VSX2: variants seen among roughly 807,000 people sequenced by gnomAD.
The protein encoded by VSX2 is ceh-10 homeo domain containing homolog.
In VSX2, 28 loss-of-function variants were observed where a neutral mutation model predicts 32.1. The ratio of observed to expected loss-of-function variants is 0.87; its 90% CI spans 0.65 to 1.20. The LOEUF is 1.20. VSX2 is among the 50% of genes most tolerant of loss of function. The pLI is 0.00. For missense variants in VSX2, 506 were observed against 488.7 expected, an observed-to-expected ratio of 1.04 and a Z score of -0.33; for synonymous variants, 243 against 214.1, an observed-to-expected ratio of 1.14 and a Z score of -1.18.
chr14:74,239,897 G>C lies in VSX2; in HGVS notation c.336G>C (p.Ser112=), dbSNP rs752313464. The change falls in exon 1 of 5, where the codon TCG becomes TCC. Residue 112 remains serine, a synonymous_variant. Transcript: ENST00000261980. ...ACTTGCAGCCATTGGGCAGAGCATC[G>C]GGGCCGCTGGACACCAGCCAGACGG... ...SVHLQPLGRA[S]GPLDTSQTAS... 1.9e-6 allele frequency: 3 copies of C among 1,571,498 alleles called. No homozygotes were observed. Among genetic ancestry groups the C allele is most frequent in the Non-Finnish European group, 1.7e-6 (2 of 1,159,380 alleles).
At chr14:74,245,373 CG>C in intron 3 of VSX2, 85 bp downstream of exon 3, 1 of 1,569,038 alleles carries the variant, frequency 6.4e-7, no homozygotes. Context: ...CCCATGACCC[CG>C]CCTCCCAGCC....
chr14:74,239,594 G>A lies in VSX2; in HGVS notation c.33G>A (p.Lys11=). 1.3e-6 allele frequency: 2 copies of A among 1,551,412 alleles called. No individual in the cohort carries two copies. Among genetic ancestry groups the A allele is most frequent in the East Asian group, 2.4e-5 (1 of 40,912 alleles). MTGKAGEALS[K]PKSETVAKST... The stretch of plus-strand genomic sequence containing the variant: ...GGAAAGCAGGGGAAGCGCTGAGCAA[G>A]CCCAAATCCGAGACAGTGGCCAAGA... The change falls in exon 1 of 5, where the codon AAG becomes AAA. Residue 11 remains lysine, a synonymous_variant. Coordinates refer to ENST00000261980, the MANE Select transcript of VSX2 (RefSeq NM_182894.3).
At chr14:74,258,379 G>T (rs1020949751) in intron 3 of VSX2, among the ~76,000 whole-genome samples, 4 of 152,006 alleles carry the variant, frequency 2.6e-5, no homozygotes, top group African/African-American at 9.7e-5. Flanking sequence ...ATTAAAAGCT[G>T]ATACCTCTGC....
chr14:74,242,318 C>T (rs2079155552), intron 2 of VSX2, among the ~76,000 whole-genome samples: 1 of 152,146 alleles, frequency 6.6e-6, no homozygotes. Flanking sequence ...GGCACCCCCG[C>T]CGCCACATCG....
At chr14:74,245,013 A>G (rs1286210079) in intron 2 of VSX2, 152 bp from the exon 3 acceptor site, 1 of 733,210 alleles carries the variant, frequency 1.4e-6, no homozygotes, top group African/African-American at 1.9e-5. Context: ...AGAGACAGAG[A>G]GAGAGAGAGA....
intron 3 of VSX2, among the ~76,000 whole-genome samples, chr14:74,246,002 G>A (rs930565655): frequency 2.0e-5 from 3 of 152,234 alleles, no homozygotes; most frequent in East Asian, 1.9e-4. Context: ...TCCACTTAGC[G>A]GCAGCAGGAC....
intron 3 of VSX2, among the ~76,000 whole-genome samples, chr14:74,253,029 G>GA (rs2079239944): frequency 7.0e-6 from 1 of 142,638 alleles, no homozygotes. Context: ...AGCCTGGGTG[G>GA]CAGAGTGAGA....
At chr14:74,259,814 C>CT in intron 4 of VSX2, 32 bp downstream of exon 4, 2 of 1,603,100 alleles carry the variant, frequency 1.2e-6, no homozygotes, top group Non-Finnish European at 1.7e-6. Context: ...GGGGTCCTGC[C>CT]CTGCGGTGAG....
chr14:74,258,401 G>C (rs2079281429), intron 3 of VSX2, among the ~76,000 whole-genome samples: 1 of 152,178 alleles, frequency 6.6e-6, no homozygotes, highest in Admixed American at 6.5e-5. Context: ...GCGGGGGAGG[G>C]GGCCCGGAGG....
chr14:74,249,175 A>C (rs2079214142), intron 3 of VSX2, among the ~76,000 whole-genome samples: 1 of 152,248 alleles, frequency 6.6e-6, no homozygotes, highest in Admixed American at 6.5e-5. Flanking sequence ...TTTTTTCATA[A>C]TGCTAACTTA....
At chr14:74,252,992 T>TC (rs2079239694) in intron 3 of VSX2, among the ~76,000 whole-genome samples, 1 of 140,672 alleles carries the variant, frequency 7.1e-6, no homozygotes. Context: ...GAGGTTGCAG[T>TC]GAGCCAGGAT....
At chr14:74,244,977 TGTGTGAGAGAGAGA>T (rs1190693953) in intron 2 of VSX2, among the ~76,000 whole-genome samples, 174 bp from the exon 3 acceptor site, 6 of 43,738 alleles carry the variant, frequency 1.4e-4, no homozygotes, top group Admixed American at 5.2e-4. Flanking sequence ...TGTGTGTGTG[TGTGTGAGAGAGAGA>T]GAGAGAGAGA....
chr14:74,255,008 C>T (rs1025403986), intron 3 of VSX2, among the ~76,000 whole-genome samples: 2 of 152,014 alleles, frequency 1.3e-5, no homozygotes, highest in African/African-American at 4.8e-5. Context: ...TCTCGATCTC[C>T]TGACCTTGTG....
chr14:74,258,074 C>T (rs1456770452), intron 3 of VSX2, among the ~76,000 whole-genome samples: 1 of 151,804 alleles, frequency 6.6e-6, no homozygotes, highest in African/African-American at 2.4e-5. Context: ...GGGGGAAAAT[C>T]CTAAACAAAT....
intron 3 of VSX2, among the ~76,000 whole-genome samples, chr14:74,246,245 G>A (rs2079191075): frequency 6.6e-6 from 1 of 152,242 alleles, no homozygotes; most frequent in Non-Finnish European, 1.5e-5. Flanking sequence ...GTGTGGGCCA[G>A]GGGCTGGTCC....
intron 3 of VSX2, among the ~76,000 whole-genome samples, chr14:74,249,480 G>A (rs1413121284): frequency 6.6e-6 from 1 of 152,172 alleles, no homozygotes; most frequent in Non-Finnish European, 1.5e-5. Flanking sequence ...ACGTTGGCCA[G>A]GCTGGTCTCG....
At chr14:74,241,478 C>A (rs899523860) in intron 2 of VSX2, among the ~76,000 whole-genome samples, 2 of 152,242 alleles carry the variant, frequency 1.3e-5, no homozygotes, top group African/African-American at 4.8e-5. Flanking sequence ...GCCGGGAAAG[C>A]GGCCCGGTTC....
chr14:74,241,297 G>A (rs1234499700), intron 2 of VSX2, 31 bp downstream of exon 2: 3 of 1,603,358 alleles, frequency 1.9e-6, no homozygotes, highest in Non-Finnish European at 2.6e-6. Flanking sequence ...TACCTCTCCT[G>A]CCCGCGCACC....
At chr14:74,246,620 C>T (rs935074669) in intron 3 of VSX2, among the ~76,000 whole-genome samples, 44 of 152,160 alleles carry the variant, frequency 2.9e-4, no homozygotes, top group African/African-American at 8.2e-4. Flanking sequence ...CACGTGTGTG[C>T]GTGTGTGTAA....
Sources: gnomAD v4.1 joint callset for allele counts (sites outside exome capture counted in the v4.1 genomes callset) on GRCh38, gnomAD v4.1.1 for gene constraint, MANE v1.5 for transcripts, NCBI Gene and HGNC (gene_info 2026-07-23, HGNC 2026-07-21) for gene names.